DHX37: variants seen among roughly 807,000 people sequenced by gnomAD.
DHX37 encodes DEAH-box helicase 37.
In DHX37, 52 loss-of-function variants were observed where a neutral mutation model predicts 134.3. That is an observed-to-expected ratio of 0.39 (90% CI 0.31 to 0.49). The LOEUF (loss-of-function observed/expected upper bound fraction) is 0.49, where lower values mean the gene tolerates loss of function less well. Ranked by LOEUF, DHX37 falls within the 20% of genes least tolerant of loss-of-function variation. DHX37 has a pLI of 0.93. For synonymous variants in DHX37, 634 were observed against 670.7 expected, an observed-to-expected ratio of 0.95 and a Z score of 0.85; for missense variants, 1,344 against 1,580.8, an observed-to-expected ratio of 0.85 and a Z score of 2.54.
Position 124,980,894 on chromosome 12 carries a change from A to G in DHX37, c.390-56T>C. On this transcript the variant is annotated intron_variant, in intron 3 of 26. Transcript: ENST00000308736. This position sits in a 1 kb window ranked among gnomAD's most constrained non-coding sequence, Gnocchi z 5.3. ...AGGCCCCACCTCAATCCCAGAGGTC[A>G]GGACTCCAAGGCCATACCCCTTTCT... The G allele has an allele frequency of 2.6e-6, 4 of 1,521,702 alleles. No homozygotes were observed. Among genetic ancestry groups the G allele is most frequent in the Non-Finnish European group, 3.5e-6 (4 of 1,138,154 alleles). The allele number at this position is 1,521,702 out of a possible 1,614,324, so 94.3% of individuals were successfully genotyped here. A position where few individuals can be genotyped will look rare whatever the true frequency, so the allele number is the denominator to read the frequency against.
chr12:124,979,410 A>G (rs921898624), intron 4 of DHX37, among the ~76,000 whole-genome samples: 3 of 152,278 alleles, frequency 2.0e-5, no homozygotes, highest in Middle Eastern at 6.8e-3. Flanking sequence ...ATAACAGCAA[A>G]AAGCTAAAAC....
At chr12:124,987,268 G>A (rs1049539137) in intron 1 of DHX37, among the ~76,000 whole-genome samples, 5 of 152,184 alleles carry the variant, frequency 3.3e-5, no homozygotes, top group Non-Finnish European at 7.3e-5. Context: ...GCTTGAACCC[G>A]GGAGGTGGAG....
intron 18 of DHX37, 109 bp from the exon 19 acceptor site, chr12:124,954,320 CACTGA>C: frequency 6.9e-7 from 1 of 1,455,360 alleles, no homozygotes; most frequent in Non-Finnish European, 9.1e-7. Flanking sequence ...CTTGTGGGGT[CACTGA>C]TGAATGTAAT....
At chr12:124,973,297 G>A (rs1036617292) in intron 6 of DHX37, among the ~76,000 whole-genome samples, 5 of 151,686 alleles carry the variant, frequency 3.3e-5, no homozygotes, top group Admixed American at 6.6e-5. Flanking sequence ...CCAGCTATTC[G>A]GGAGGCTGAG....
intron 15 of DHX37, among the ~76,000 whole-genome samples, chr12:124,963,736 C>T (rs1219573209): frequency 6.7e-6 from 1 of 150,174 alleles, no homozygotes; most frequent in African/African-American, 2.5e-5. Context: ...AAAAATTAGC[C>T]GGGCGTGGTG....
rs145503759 is a variant in DHX37, at chr12:124,952,450, C to T, written c.2816G>A (p.Arg939His). Residue 939 changes from arginine to histidine, a missense_variant, in exon 21 of 27, where the codon CGC becomes CAC. Physicochemically the swap from Arg to His is conservative, Grantham distance 29 (BLOSUM62 0). Coordinates refer to ENST00000308736, the MANE Select transcript of DHX37 (RefSeq NM_032656.4). ...VTAGLGDHLARRVQSEEMLED... is the reference protein window; with the variant it reads ...VTAGLGDHLAHRVQSEEMLED... ...CAGCATCTCCTCGCTCTGGACCCTG[C>T]GGGCCAAGTGGTCCCCCAGGCCTGC... 27 of 1,610,854 alleles carry T rather than the reference C, an allele frequency of 1.7e-5. No homozygotes were observed. The highest frequency in any genetic ancestry group is 1.1e-4 in the African/African-American group (8 of 74,966).
intron 15 of DHX37, among the ~76,000 whole-genome samples, chr12:124,961,258 A>G (rs1954249482): frequency 9.1e-6 from 1 of 109,324 alleles, no homozygotes; most frequent in African/African-American, 6.4e-5. Flanking sequence ...GCACGCACGC[A>G]CACACATACA....
chr12:124,980,485 C>A lies in DHX37; in HGVS notation c.738+5G>T, dbSNP rs752862613. 6.2e-7 allele frequency: 1 copy of A among 1,605,684 alleles called. No individual in the cohort carries two copies. Among genetic ancestry groups the A allele is most frequent in the South Asian group, 1.1e-5 (1 of 90,180 alleles). On this transcript the variant is annotated splice_donor_5th_base_variant and intron_variant, in intron 4 of 26. Transcript: ENST00000308736. The surrounding 1 kb of genome is among the most constrained non-coding windows in gnomAD (Gnocchi z 5.3). ...ATTCTTAATCACAAACACGGGGTGG[C>A]GAACCTGCATTTCCGGGGAGCGGTT...
At chr12:124,952,256 T>G (rs1214351507) in intron 21 of DHX37, 142 bp downstream of exon 21, 2 of 825,742 alleles carry the variant, frequency 2.4e-6, no homozygotes, top group African/African-American at 1.7e-5. Flanking sequence ...GAAGATGTGA[T>G]TCTACTGCAA....
At chr12:124,968,114 T>C (rs1279134797) in intron 10 of DHX37, among the ~76,000 whole-genome samples, 3 of 151,566 alleles carry the variant, frequency 2.0e-5, no homozygotes, top group Non-Finnish European at 4.4e-5. Flanking sequence ...GCGATCACAA[T>C]CTATTCACAC....
intron 15 of DHX37, among the ~76,000 whole-genome samples, chr12:124,963,892 A>AG (rs1212153934): frequency 5.3e-4 from 32 of 60,122 alleles, no homozygotes; most frequent in Non-Finnish European, 9.8e-4. Context: ...AAAAAAAAAA[A>AG]AAAAAAAAAA....
chr12:124,976,506 G>A (rs753483835), intron 5 of DHX37, among the ~76,000 whole-genome samples: 2 of 152,128 alleles, frequency 1.3e-5, no homozygotes, highest in Non-Finnish European at 2.9e-5. Context: ...GAGGTCAGGA[G>A]TTCAAGACCA....
Position 124,950,759 on chromosome 12 carries a change from G to C in DHX37, c.2914C>G (p.Leu972Val), listed in dbSNP as rs369525506. 1.2e-6 allele frequency: 2 copies of C among 1,609,530 alleles called. No homozygotes were observed. Among genetic ancestry groups the C allele is most frequent in the African/African-American group, 2.7e-5 (2 of 74,602 alleles). The change falls in exon 22 of 27, where the codon CTT (leucine) becomes GTT (valine). Residue 972 changes from leucine to valine, a missense_variant. Physicochemically the swap from Leu to Val is conservative, Grantham distance 32. Transcript: ENST00000308736. Reference protein sequence around the residue: ...DPVFIHPSSVLFKELPEFVVY... With the variant: ...DPVFIHPSSVVFKELPEFVVY... ...ACAAACTCGGGGAGCTCTTTGAAAA[G>C]GACGGAGCTGGGGTGGATGAAGACA...
intron 8 of DHX37, 46 bp downstream of exon 8, chr12:124,971,256 G>C (rs759408593): frequency 1.3e-6 from 2 of 1,589,998 alleles, no homozygotes; most frequent in South Asian, 1.1e-5. Context: ...CAGAGCTGGG[G>C]GGGGCCTAGG....
chr12:124,982,428 C>A, intron 3 of DHX37, 83 bp downstream of exon 3: 2 of 1,524,008 alleles, frequency 1.3e-6, no homozygotes, highest in Non-Finnish European at 1.8e-6. Flanking sequence ...AATGTTCCAC[C>A]CCCAGAGGAC....
In DHX37 at chr12:124,964,590, C is replaced by T; in HGVS notation, c.1849G>A (p.Val617Ile). 6.2e-7 allele frequency: 1 copy of T among 1,613,586 alleles called. No individual in the cohort carries two copies. Among genetic ancestry groups the T allele is most frequent in the East Asian group, 2.2e-5 (1 of 44,866 alleles). The change falls in exon 15 of 27, where the codon GTT becomes ATT. Residue 617 changes from valine (V) to isoleucine (I), a missense_variant. This residue lies in a region of DHX37 where 289 missense variants were observed against 323.8 expected (regional missense o/e 0.89). Transcript: ENST00000308736. ...GTCTCGGCCACATTGGTGGCCACAACACACAACCGAGTCCCCTCCGGTGGA... is the reference window on the plus strand; with the variant it reads ...GTCTCGGCCACATTGGTGGCCACAATACACAACCGAGTCCCCTCCGGTGGA... ...KPPPEGTRLC[V>I]VATNVAETSL...
chr12:124,978,618 T>C (rs1954693484), intron 4 of DHX37, among the ~76,000 whole-genome samples: 1 of 140,864 alleles, frequency 7.1e-6, no homozygotes, highest in South Asian at 2.6e-4. Flanking sequence ...GTGCCTGGCC[T>C]CCATTTGTTT....
Position 124,968,869 on chromosome 12 carries a change from T to C in DHX37, c.1291A>G (p.Lys431Glu), listed in dbSNP as rs1954455221. The change falls in exon 9 of 27, where the codon AAG becomes GAG. Residue 431 changes from lysine to glutamate, a missense_variant and splice_region_variant. Lys to Glu is a moderately conservative substitution (Grantham distance 56, BLOSUM62 1). Around this residue, in one of 7 missense-constraint regions of DHX37, gnomAD observed 289 missense variants for 323.8 expected, o/e 0.89. Transcript: ENST00000308736. ...GAGGACATGGGACCCTGTGTTACCT[T>C]GATGACCGGCGGCGGCTTGGCGAAG... is the stretch of plus-strand genomic sequence containing the variant. ...RLFAKPPPVI[K>E]VESRQFPVTV... 1.9e-6 allele frequency: 3 copies of C among 1,613,914 alleles called. No homozygotes were observed. Among genetic ancestry groups the C allele is most frequent in the Non-Finnish European group, 2.5e-6 (3 of 1,180,018 alleles).
At chr12:124,978,037 T>G (rs1954679730) in intron 4 of DHX37, among the ~76,000 whole-genome samples, 1 of 152,222 alleles carries the variant, frequency 6.6e-6, no homozygotes, top group Non-Finnish European at 1.5e-5. Context: ...CTCGGCTCAC[T>G]GCAACCTCTG....
Sources: gnomAD v4.1 joint callset for allele counts (sites outside exome capture counted in the v4.1 genomes callset) on GRCh38, gnomAD v4.1.1 for gene constraint, gnomAD v4.1.1 regional missense constraint, Gnocchi (gnomAD v3.1) non-coding constraint, MANE v1.5 for transcripts, NCBI Gene and HGNC (gene_info 2026-07-23, HGNC 2026-07-21) for gene names.